FFAR2: variants seen among roughly 807,000 people sequenced by gnomAD.
The protein encoded by FFAR2 is free fatty acid receptor 2.
For missense variants in FFAR2, 421 were observed against 428.9 expected, an observed-to-expected ratio of 0.98 and a Z score of 0.16; for synonymous variants, 193 against 189.9, an observed-to-expected ratio of 1.02 and a Z score of -0.13.
At position 35,450,038 on chromosome 19, in the gene FFAR2, C is replaced by A; in HGVS notation, c.324C>A (p.Tyr108Ter). 1 of 1,614,214 alleles carries A rather than the reference C, an allele frequency of 6.2e-7. No individual in the cohort carries two copies. The highest frequency in any genetic ancestry group is 8.5e-7 in the Non-Finnish European group (1 of 1,180,046). The change falls in exon 2 of 2, where the codon TAC becomes TAA. Residue 108 changes from tyrosine to a stop codon, truncating the protein, a stop_gained. Coordinates refer to ENST00000599180, the MANE Select transcript of FFAR2 (RefSeq NM_001370087.1). LOFTEE classifies it low-confidence loss of function (END_TRUNC). ...WLLAGISIER[Y>*]LGVAFPVQYK... ...TGGCGGGCATCAGCATCGAGCGCTA[C>A]CTGGGAGTGGCTTTCCCCGTGCAGT...
chr19:35,449,632 A>G (rs2145762547), intron 1 of FFAR2, 82 bp from the exon 2 acceptor site: 1 of 1,429,088 alleles, frequency 7.0e-7, no homozygotes, highest in Non-Finnish European at 9.5e-7. Flanking sequence ...GCCGGGGAGG[A>G]TGTCCGCATC....
chr19:35,449,112 C>G (rs1484319672), intron 1 of FFAR2, among the ~76,000 whole-genome samples: 1 of 151,982 alleles, frequency 6.6e-6, no homozygotes, highest in African/African-American at 2.4e-5. Flanking sequence ...CCCCAGCTTC[C>G]CCTTTTCTAG....
In FFAR2 at chr19:35,450,126, T is replaced by C. The variant is rs1298865522; in HGVS notation, c.412T>C (p.Phe138Leu). ...AGCTCTGGTGGCCTGGGTTATGTCC[T>C]TTGGTCACTGCACCATCGTGATCAT... is the stretch of plus-strand genomic sequence containing the variant. Reference protein sequence around the residue: ...IAALVAWVMSFGHCTIVIIVQ... With the variant: ...IAALVAWVMSLGHCTIVIIVQ... The change falls in exon 2 of 2, where the codon TTT becomes CTT. Residue 138 changes from phenylalanine to leucine, a missense_variant. By Grantham distance (22) the Phe-to-Leu change is conservative. Transcript: ENST00000599180. 7.4e-6 allele frequency: 12 copies of C among 1,614,078 alleles called. No homozygotes were observed. Among genetic ancestry groups the C allele is most frequent in the Non-Finnish European group, 7.6e-6 (9 of 1,180,030 alleles).
In FFAR2 at chr19:35,450,238, T is replaced by C. The variant is rs2067372139; in HGVS notation, c.524T>C (p.Val175Ala). ...YENFTDNQLD[V>A]VLPVRLELCL... ...AACTTCACCGATAACCAGTTGGACG[T>C]GGTGCTGCCCGTGCGGCTGGAGCTG... The change falls in exon 2 of 2, where the codon GTG (valine) becomes GCG (alanine). Residue 175 changes from valine to alanine, a missense_variant. Val to Ala is a moderately conservative substitution (Grantham distance 64, BLOSUM62 0). Coordinates refer to ENST00000599180, the MANE Select transcript of FFAR2 (RefSeq NM_001370087.1). The C allele has an allele frequency of 6.2e-7, 1 of 1,614,188 alleles. No homozygotes were observed. Among genetic ancestry groups the C allele is most frequent in the Non-Finnish European group, 8.5e-7 (1 of 1,180,036 alleles).
chr19:35,450,443 G>A lies in FFAR2; in HGVS notation c.729G>A (p.Leu243=). Residue 243 remains leucine (L), a synonymous_variant, in exon 2 of 2, where the codon CTG becomes CTA. Coordinates refer to ENST00000599180, the MANE Select transcript of FFAR2 (RefSeq NM_001370087.1). ...TCGGACCTTACAACGTGTCCCACCT[G>A]GTGGGGTATCACCAGAGAAAAAGCC... ...VCFGPYNVSH[L]VGYHQRKSPW... 1.2e-6 allele frequency: 2 copies of A among 1,614,246 alleles called. No homozygotes were observed. The highest frequency in any genetic ancestry group is 1.7e-6 in the Non-Finnish European group (2 of 1,180,044).
rs1006791867 is a variant in FFAR2, at chr19:35,449,788, A to G, written c.74A>G (p.Asn25Ser). The G allele has an allele frequency of 9.3e-6, 15 of 1,607,864 alleles. No homozygotes were observed. The highest frequency in any genetic ancestry group is 1.7e-4 in the Middle Eastern group (1 of 6,054). The change falls in exon 2 of 2, where the codon AAC (asparagine) becomes AGC (serine). Residue 25 changes from asparagine (N) to serine (S), a missense_variant. Physicochemically the swap from Asn to Ser is conservative, Grantham distance 46 (BLOSUM62 1). Transcript: ENST00000599180. ...ATCTTCCTCACTGGCCTCCCTGCCA[A>G]CCTCCTGGCCCTGCGGGCCTTTGTG... ...IIIFLTGLPA[N>S]LLALRAFVGR...
rs571684053 is a variant in FFAR2 at position 35,450,353 on chromosome 19, G to A, written c.639G>A (p.Gly213=). The change falls in exon 2 of 2, where the codon GGG becomes GGA. Residue 213 remains glycine (G), a synonymous_variant. Transcript: ENST00000599180. ...VWIMLSQPLV[G]AQRRRRAVGL... is the part of the protein sequence containing the mutation. ...TCATGCTCTCCCAGCCCCTTGTGGGGGCCCAGAGGCGGCGCCGAGCCGTGG... is the reference window on the plus strand; with the variant it reads ...TCATGCTCTCCCAGCCCCTTGTGGGAGCCCAGAGGCGGCGCCGAGCCGTGG... The A allele has an allele frequency of 1.9e-6, 3 of 1,614,112 alleles. No individual in the cohort carries two copies. In the African/African-American group the frequency reaches 4.0e-5, roughly 22 times the overall value.
intron 1 of FFAR2, among the ~76,000 whole-genome samples, chr19:35,448,853 G>C (rs1204773893): frequency 6.7e-6 from 1 of 149,610 alleles, no homozygotes; most frequent in African/African-American, 2.5e-5. Flanking sequence ...GCCCAGGGTG[G>C]AGTGCAATGG....
intron 1 of FFAR2, 163 bp from the exon 2 acceptor site, chr19:35,449,551 G>A (rs34051923): frequency 1.9e-5 from 4 of 212,920 alleles, no homozygotes; most frequent in Non-Finnish European, 8.1e-6. Flanking sequence ...TAATTGCTCT[G>A]GGTAGTTCGA....
rs1008353664 is a variant in FFAR2 at position 35,451,404 on chromosome 19, G to A, written c.*697G>A. 2 of 152,130 alleles carry A rather than the reference G, an allele frequency of 1.3e-5. No homozygotes were observed. Among genetic ancestry groups the A allele is most frequent in the Non-Finnish European group, 2.9e-5 (2 of 68,048 alleles). The allele number at this position is 152,130 out of a possible 1,614,324, so 9.4% of individuals were successfully genotyped here. A position where few individuals can be genotyped will look rare whatever the true frequency, so the allele number is the denominator to read the frequency against. ...GACACTGCTCTAGCGGTTGATCCTG[G>A]AGATAAACCAACAAGAGAGAGATGG... On this transcript the variant is annotated 3_prime_UTR_variant, in exon 2 of 2. Transcript: ENST00000599180.
At chr19:35,448,897 G>A (rs1452915535) in intron 1 of FFAR2, among the ~76,000 whole-genome samples, 4 of 151,116 alleles carry the variant, frequency 2.6e-5, no homozygotes, top group South Asian at 2.1e-4. Context: ...TCTGCTTCCC[G>A]GTTCAAGCGA....
At chr19:35,449,613 G>C in intron 1 of FFAR2, 101 bp from the exon 2 acceptor site, 1 of 1,269,290 alleles carries the variant, frequency 7.9e-7, no homozygotes, top group Non-Finnish European at 1.1e-6. Flanking sequence ...GTCCTGGGAA[G>C]GGGACGGTGC....
In FFAR2 at chr19:35,450,282, A is replaced by G. The variant is rs375504886; in HGVS notation, c.568A>G (p.Ile190Val). 17 of 1,614,082 alleles carry G rather than the reference A, an allele frequency of 1.1e-5. No individual in the cohort carries two copies. The highest frequency in any genetic ancestry group is 1.4e-5 in the Non-Finnish European group (17 of 1,180,044). ...RLELCLVLFF[I>V]PMAVTIFCYW... ...GGAGCTGTGCCTGGTGCTCTTCTTC[A>G]TCCCCATGGCAGTCACCATCTTCTG... The change falls in exon 2 of 2, where the codon ATC becomes GTC. Residue 190 changes from isoleucine to valine, a missense_variant. Coordinates refer to ENST00000599180, the MANE Select transcript of FFAR2 (RefSeq NM_001370087.1).
chr19:35,450,655 G>A lies in FFAR2; in HGVS notation c.941G>A (p.Arg314Lys), dbSNP rs2067376230. The change falls in exon 2 of 2, where the codon AGG becomes AAG. Residue 314 changes from arginine to lysine, a missense_variant. Arg to Lys is a conservative substitution (Grantham distance 26). Coordinates refer to ENST00000599180, the MANE Select transcript of FFAR2 (RefSeq NM_001370087.1). ...KDTAEGTNEDRGVGQGEGMPS... is the reference protein window; with the variant it reads ...KDTAEGTNEDKGVGQGEGMPS... ...ACAGCAGAGGGGACAAATGAGGACA[G>A]GGGTGTGGGTCAAGGAGAAGGGATG... is the stretch of plus-strand genomic sequence containing the variant. 1 of 1,614,220 alleles carries A rather than the reference G, an allele frequency of 6.2e-7. No homozygotes were observed. The highest frequency in any genetic ancestry group is 1.3e-5 in the African/African-American group (1 of 75,064).
chr19:35,448,672 G>A (rs1315078395), intron 1 of FFAR2, among the ~76,000 whole-genome samples: 2 of 152,190 alleles, frequency 1.3e-5, no homozygotes, highest in African/African-American at 4.8e-5. Flanking sequence ...TCAAGGGCCA[G>A]TGAAGGCCTG....
At chr19:35,449,490 G>A (rs2067365597) in intron 1 of FFAR2, among the ~76,000 whole-genome samples, 1 of 152,240 alleles carries the variant, frequency 6.6e-6, no homozygotes. Flanking sequence ...AGAGACACAT[G>A]ATGGCAAACA....
chr19:35,449,742 A>C lies in FFAR2; in HGVS notation c.28A>C (p.Ile10Leu), dbSNP rs2067367347. 1 of 1,571,820 alleles carries C rather than the reference A, an allele frequency of 6.4e-7. No homozygotes were observed. Among genetic ancestry groups the C allele is most frequent in the African/African-American group, 1.4e-5 (1 of 73,544 alleles). The change falls in exon 2 of 2, where the codon ATC becomes CTC. Residue 10 changes from isoleucine to leucine, a missense_variant. Physicochemically the swap from Ile to Leu is conservative, Grantham distance 5 (BLOSUM62 2). Transcript: ENST00000599180. ...GCTGCCGGACTGGAAGAGCTCCTTG[A>C]TCCTCATGGCTTACATCATCATCTT... MLPDWKSSL[I>L]LMAYIIIFLT...
At chr19:35,449,574 A>T in intron 1 of FFAR2, 140 bp from the exon 2 acceptor site, 1 of 828,802 alleles carries the variant, frequency 1.2e-6, no homozygotes, top group Non-Finnish European at 1.9e-6. Context: ...AGGTGGTGTG[A>T]GCAAGCCGTG....
chr19:35,450,422 A>T lies in FFAR2; in HGVS notation c.708A>T (p.Gly236=). The change falls in exon 2 of 2, where the codon GGA becomes GGT. Residue 236 remains glycine (G), a synonymous_variant. Transcript: ENST00000599180. ...TGCTCAATTTCCTGGTGTGCTTCGG[A>T]CCTTACAACGTGTCCCACCTGGTGG... The part of the protein sequence containing the change: ...VTLLNFLVCF[G]PYNVSHLVGY... 6.2e-7 allele frequency: 1 copy of T among 1,614,118 alleles called. No homozygotes were observed. The highest frequency in any genetic ancestry group is 8.5e-7 in the Non-Finnish European group (1 of 1,180,024).
Sources: allele counts gnomAD v4.1 joint callset (sites outside exome capture counted in the v4.1 genomes callset), GRCh38; gene constraint gnomAD v4.1.1; transcripts MANE v1.5; gene names NCBI Gene and HGNC (gene_info 2026-07-23, HGNC 2026-07-21).